The following EXOC2 variants were observed in gnomAD, a reference collection of about 807,000 sequenced individuals.
The protein encoded by EXOC2 is SEC5-like 1.
In EXOC2, 70 loss-of-function variants were observed where a neutral mutation model predicts 131.8. The observed-to-expected ratio is 0.53, with a 90% CI of 0.44 to 0.65. The LOEUF is 0.65. Among genes scored for constraint, EXOC2 ranks in the 30% least tolerant of loss-of-function variants. The pLI is 0.00. For synonymous variants in EXOC2, 411 were observed against 398.4 expected (o/e 1.03, Z -0.38); for missense variants, 923 against 1,108.6 (o/e 0.83, Z 2.38).
At chr6:619,675 C>T in intron 4 of EXOC2, 132 bp from the exon 5 acceptor site, 2 of 566,716 alleles carry the variant, frequency 3.5e-6, no homozygotes, top group Middle Eastern at 4.3e-4. Context: ...CATACATTAC[C>T]CAGAACATGT....
At chr6:683,423 T>C (rs1304594526) in intron 1 of EXOC2, among the ~76,000 whole-genome samples, 1 of 152,230 alleles carries the variant, frequency 6.6e-6, no homozygotes, top group Non-Finnish European at 1.5e-5. Flanking sequence ...TTCTCCTAAA[T>C]TTATACTACT....
intron 1 of EXOC2, among the ~76,000 whole-genome samples, chr6:658,629 AATAT>A (rs1194005316): frequency 1.7e-5 from 2 of 119,914 alleles, no homozygotes; most frequent in South Asian, 5.7e-4. Context: ...GGATATTTAA[AATAT>A]ATATATATAT....
chr6:500,831 A>G (rs1764004001), intron 23 of EXOC2, among the ~76,000 whole-genome samples: 3 of 152,004 alleles, frequency 2.0e-5, no homozygotes, highest in South Asian at 4.2e-4. Flanking sequence ...CATCCACGCT[A>G]CTGGTTAGTT....
chr6:516,150 T>A lies in EXOC2; in HGVS notation c.2380+16319A>T, dbSNP rs1237529107. ...TCCACCCATCCAAATACTGAGACAGTCCTGAAAGCGTTTCATTAAATCTCA... is the reference window on the plus strand; with the variant it reads ...TCCACCCATCCAAATACTGAGACAGACCTGAAAGCGTTTCATTAAATCTCA... On this transcript the variant is annotated intron_variant, in intron 23 of 27. Transcript: ENST00000230449. Among the ~76,000 whole-genome samples the A allele has an allele frequency of 1.3e-5, 2 of 152,166 alleles. 1 individual carries two copies. The highest frequency in any genetic ancestry group is 2.9e-5 in the Non-Finnish European group (2 of 68,024).
rs74667995 is a variant in EXOC2 at position 592,332 on chromosome 6, A to G, written c.1192+137T>C. The G allele has an allele frequency of 2.5e-3, 1,795 of 732,444 alleles. 23 individuals carry two copies. In the African/African-American group the frequency reaches 0.026, roughly 11 times the overall value. 45.4% of individuals were successfully genotyped at this position (732,444 alleles called of 1,614,324 possible). A position where few individuals can be genotyped will look rare whatever the true frequency, so the allele number is the denominator to read the frequency against. On this transcript the variant is annotated intron_variant, in intron 11 of 27. Coordinates refer to ENST00000230449, the MANE Select transcript of EXOC2 (RefSeq NM_018303.6). ...ACAATGCTAACCAGTGGCCAAAAAA[A>G]CCACAAAACAAGCAAAAGACAATAA...
chr6:540,380 T>C (rs1766739091), intron 22 of EXOC2, among the ~76,000 whole-genome samples: 1 of 152,220 alleles, frequency 6.6e-6, no homozygotes, highest in Non-Finnish European at 1.5e-5. Context: ...TACAGAATAA[T>C]CGGAAAGACA....
intron 4 of EXOC2, among the ~76,000 whole-genome samples, chr6:620,110 T>C (rs1485083908): frequency 6.6e-6 from 1 of 152,242 alleles, no homozygotes; most frequent in Non-Finnish European, 1.5e-5. Context: ...GGTATATACA[T>C]AATCTGCTGC....
chr6:683,984 C>G (rs11969958), intron 1 of EXOC2, among the ~76,000 whole-genome samples: 40 of 152,210 alleles, frequency 2.6e-4, no homozygotes, highest in African/African-American at 9.4e-4. Context: ...TCAGGAGAAA[C>G]TCTGGGCACA....
intron 23 of EXOC2, among the ~76,000 whole-genome samples, chr6:513,415 A>G (rs1020098562): frequency 5.3e-5 from 8 of 152,264 alleles, no homozygotes; most frequent in South Asian, 2.1e-4. Context: ...AGAAGAAACG[A>G]AAGTCCAAGC....
intron 25 of EXOC2, among the ~76,000 whole-genome samples, chr6:492,815 T>C (rs994737594): frequency 2.6e-5 from 4 of 152,204 alleles, no homozygotes; most frequent in African/African-American, 7.2e-5. Flanking sequence ...GTTCTAAAAT[T>C]GATGATGGTG....
chr6:687,719 T>G (rs989960102), intron 1 of EXOC2, among the ~76,000 whole-genome samples: 3 of 152,240 alleles, frequency 2.0e-5, no homozygotes, highest in Non-Finnish European at 4.4e-5. Context: ...CAAGATTTTG[T>G]GACCAGAAGC....
intron 23 of EXOC2, among the ~76,000 whole-genome samples, chr6:528,486 T>C (rs1159063313): frequency 6.6e-6 from 1 of 152,176 alleles, no homozygotes; most frequent in Non-Finnish European, 1.5e-5. Flanking sequence ...CAGTTAGTAA[T>C]CATGAAGTCA....
chr6:597,020 G>T (rs1046443556), intron 10 of EXOC2, among the ~76,000 whole-genome samples: 4 of 152,164 alleles, frequency 2.6e-5, no homozygotes, highest in Non-Finnish European at 4.4e-5. Flanking sequence ...ATCCTGAGAT[G>T]CAGATTTGAT....
chr6:623,859 A>T (rs1205023681), intron 4 of EXOC2, among the ~76,000 whole-genome samples: 1 of 152,178 alleles, frequency 6.6e-6, no homozygotes. Flanking sequence ...TCTGCCTGAG[A>T]ACATCATTAT....
At chr6:659,997 G>C (rs981691758) in intron 1 of EXOC2, among the ~76,000 whole-genome samples, 11 of 150,316 alleles carry the variant, frequency 7.3e-5, no homozygotes, top group East Asian at 2.0e-4. Context: ...AGGGCTGTTG[G>C]GGGGGGGACA....
chr6:582,695 T>C lies in EXOC2; in HGVS notation c.1193-5813A>G, dbSNP rs368807936. ...AAATTCCTCAGGAATTAGACCTGTGTCAACAGATAAAAATGCTTTTTGATC... is the reference window on the plus strand; with the variant it reads ...AAATTCCTCAGGAATTAGACCTGTGCCAACAGATAAAAATGCTTTTTGATC... On this transcript the variant is annotated intron_variant, in intron 11 of 27. Coordinates refer to ENST00000230449, the MANE Select transcript of EXOC2 (RefSeq NM_018303.6). 2.9e-3 allele frequency among the ~76,000 whole-genome samples: 445 copies of C among 152,186 alleles called. 2 individuals carry two copies. Among genetic ancestry groups the C allele is most frequent in the African/African-American group, 7.5e-3 (310 of 41,522 alleles).
chr6:530,658 G>A (rs762700252), intron 23 of EXOC2, among the ~76,000 whole-genome samples: 4 of 152,230 alleles, frequency 2.6e-5, no homozygotes, highest in Non-Finnish European at 5.9e-5. Context: ...GAAGCACCCA[G>A]CCTGCCTGCT....
At chr6:649,696 T>C (rs753289399) in intron 1 of EXOC2, among the ~76,000 whole-genome samples, 1 of 152,234 alleles carries the variant, frequency 6.6e-6, no homozygotes, top group African/African-American at 2.4e-5. Context: ...TGAATAAATA[T>C]ACACGCAAGA....
chr6:528,111 A>G (rs1400134880), intron 23 of EXOC2, among the ~76,000 whole-genome samples: 1 of 152,232 alleles, frequency 6.6e-6, no homozygotes, highest in African/African-American at 2.4e-5. Context: ...ATACACAAAT[A>G]AAGAGGTGAC....
Sources: gnomAD v4.1 joint callset for allele counts (sites outside exome capture counted in the v4.1 genomes callset) on GRCh38, gnomAD v4.1.1 for gene constraint, MANE v1.5 for transcripts, NCBI Gene and HGNC (gene_info 2026-07-23, HGNC 2026-07-21) for gene names.